The following NKAIN2 variants were observed in gnomAD, a reference collection of about 807,000 sequenced individuals.
NKAIN2 encodes the protein sodium/potassium transporting ATPase interacting 2.
NKAIN2 carries 14 observed loss-of-function variants against 32.6 expected under a neutral mutation model. The ratio of observed to expected loss-of-function variants is 0.43; its 90% CI spans 0.28 to 0.67. NKAIN2 has a LOEUF of 0.67. NKAIN2 is among the 30% of genes least tolerant of loss of function. The probability of loss-of-function intolerance (pLI) is 0.17; values close to 1 mark genes in which losing one functional copy is unlikely to be tolerated. For synonymous variants in NKAIN2, 80 were observed against 87.2 expected (o/e 0.92, Z 0.46); for missense variants, 198 against 258.3 (o/e 0.77, Z 1.60).
At chr6:124,797,842 G>GA (rs558667397) in intron 5 of NKAIN2, among the ~76,000 whole-genome samples, 1 of 151,830 alleles carries the variant, frequency 6.6e-6, no homozygotes, top group Admixed American at 6.6e-5. Flanking sequence ...ATTTCCCCTT[G>GA]AAAAAAATAT....
chr6:124,041,306 T>C (rs1262666425), intron 1 of NKAIN2, among the ~76,000 whole-genome samples: 1 of 152,052 alleles, frequency 6.6e-6, no homozygotes, highest in African/African-American at 2.4e-5. Context: ...CATTGCTGCC[T>C]TATAACTGTA....
intron 4 of NKAIN2, among the ~76,000 whole-genome samples, chr6:124,748,662 C>T (rs139177049): frequency 2.6e-5 from 4 of 151,920 alleles, no homozygotes; most frequent in Non-Finnish European, 5.9e-5. Context: ...CAACATAAAG[C>T]GCAGATCTAT....
At chr6:124,013,598 G>A (rs1780435020) in intron 1 of NKAIN2, among the ~76,000 whole-genome samples, 1 of 152,148 alleles carries the variant, frequency 6.6e-6, no homozygotes, top group Non-Finnish European at 1.5e-5. Context: ...GTGGTAAATA[G>A]AATACTGGTC....
chr6:123,943,052 G>A (rs141755998), intron 1 of NKAIN2, among the ~76,000 whole-genome samples: 26 of 152,104 alleles, frequency 1.7e-4, no homozygotes, highest in African/African-American at 6.0e-4. Flanking sequence ...AAAATTTACA[G>A]TGTGGTTTGT....
intron 4 of NKAIN2, among the ~76,000 whole-genome samples, chr6:124,770,744 TAA>T (rs1380923735): frequency 6.6e-6 from 1 of 152,164 alleles, no homozygotes; most frequent in Non-Finnish European, 1.5e-5. Context: ...AGAGGCCACT[TAA>T]AAGACTATTA....
intron 1 of NKAIN2, among the ~76,000 whole-genome samples, chr6:124,043,596 A>C (rs961231291): frequency 6.6e-5 from 10 of 152,088 alleles, no homozygotes; most frequent in African/African-American, 1.4e-4. Context: ...GAATATTTAA[A>C]ATAATACTTC....
At chr6:124,148,167 C>G (rs7770673) in intron 1 of NKAIN2, among the ~76,000 whole-genome samples, 117,680 of 151,960 alleles carry the variant, frequency 0.77, 46,073 homozygotes, top group Middle Eastern at 0.86. Context: ...ACATATTTTT[C>G]TTGTTCAAGA....
chr6:124,364,325 A>C (rs544622249), intron 3 of NKAIN2, among the ~76,000 whole-genome samples: 1 of 152,046 alleles, frequency 6.6e-6, no homozygotes, highest in East Asian at 1.9e-4. Context: ...TACCAGGATA[A>C]AAAAACAGAA....
At chr6:124,440,540 C>T (rs1035724775) in intron 3 of NKAIN2, among the ~76,000 whole-genome samples, 1 of 152,046 alleles carries the variant, frequency 6.6e-6, no homozygotes, top group Admixed American at 6.6e-5. Flanking sequence ...ATGCCTGCTG[C>T]ACTTTTCTAC....
At chr6:124,770,797 T>G (rs1009576823) in intron 4 of NKAIN2, among the ~76,000 whole-genome samples, 1 of 152,130 alleles carries the variant, frequency 6.6e-6, no homozygotes, top group African/African-American at 2.4e-5. Flanking sequence ...ACTAGCCCAA[T>G]GATTCTTACT....
At chr6:124,151,902 TTA>T (rs1287675483) in intron 1 of NKAIN2, among the ~76,000 whole-genome samples, 9 of 151,966 alleles carry the variant, frequency 5.9e-5, no homozygotes, top group Non-Finnish European at 1.3e-4. Flanking sequence ...ATACAACTCT[TTA>T]TATTTTTTCT....
intron 3 of NKAIN2, among the ~76,000 whole-genome samples, chr6:124,561,021 AG>A (rs1426627765): frequency 6.6e-6 from 1 of 152,192 alleles, no homozygotes; most frequent in Non-Finnish European, 1.5e-5. Flanking sequence ...ATTTCTGGGC[AG>A]GTCACCTAGG....
At chr6:123,972,816 A>C (rs2114640718) in intron 1 of NKAIN2, among the ~76,000 whole-genome samples, 1 of 152,108 alleles carries the variant, frequency 6.6e-6, no homozygotes, top group South Asian at 2.1e-4. Flanking sequence ...AGATCATGGG[A>C]TTGGAAATTT....
At chr6:123,965,081 T>G (rs1778011476) in intron 1 of NKAIN2, among the ~76,000 whole-genome samples, 1 of 152,156 alleles carries the variant, frequency 6.6e-6, no homozygotes, top group Admixed American at 6.6e-5. Context: ...TCATTCAGTG[T>G]TCAGAATGTC....
At chr6:123,931,708 T>C (rs1247776719) in intron 1 of NKAIN2, among the ~76,000 whole-genome samples, 1 of 152,150 alleles carries the variant, frequency 6.6e-6, no homozygotes, top group Non-Finnish European at 1.5e-5. Flanking sequence ...ATGAAAATAA[T>C]CTAAAAAGTA....
chr6:123,904,624 G>A (rs1316998358), intron 1 of NKAIN2, among the ~76,000 whole-genome samples: 1 of 152,156 alleles, frequency 6.6e-6, no homozygotes, highest in Non-Finnish European at 1.5e-5. Flanking sequence ...GAAGGGGAAG[G>A]GGGTGAGAAA....
At chr6:124,574,384 A>G (rs1299871085) in intron 3 of NKAIN2, among the ~76,000 whole-genome samples, 2 of 152,060 alleles carry the variant, frequency 1.3e-5, no homozygotes, top group African/African-American at 4.8e-5. Context: ...TTGGGAGGCC[A>G]AGGCAGGCTG....
chr6:124,730,891 G>C (rs2114662775), intron 4 of NKAIN2, among the ~76,000 whole-genome samples: 1 of 134,112 alleles, frequency 7.5e-6, no homozygotes, highest in East Asian at 2.5e-4. Context: ...CCATCAAAAA[G>C]TGGGCGAAGG....
rs544174895 is a variant in NKAIN2 at position 124,171,940 on chromosome 6, G to A, written c.55-111065G>A. ...CCACTCACTTGCCTCAGCCTCCCAA[G>A]CAACTGGTACTACAGGCACATGCTG... On this transcript the variant is annotated intron_variant, in intron 1 of 6. Coordinates refer to ENST00000368417, the MANE Select transcript of NKAIN2 (RefSeq NM_001040214.3). Among the ~76,000 whole-genome samples, 176 of 150,788 alleles carry A rather than the reference G, an allele frequency of 1.2e-3. 4 individuals are homozygous for A. The South Asian group carries it at 0.037, about 31-fold the overall frequency.
Sources: gnomAD v4.1 joint callset for allele counts (sites outside exome capture counted in the v4.1 genomes callset) on GRCh38, gnomAD v4.1.1 for gene constraint, MANE v1.5 for transcripts, NCBI Gene and HGNC (gene_info 2026-07-23, HGNC 2026-07-21) for gene names.